The following METTL22 variants were observed in gnomAD, a reference collection of about 807,000 sequenced individuals.
METTL22 encodes methyltransferase 22, Kin17 lysine, also known as methyltransferase-like protein 22.
METTL22 carries 51 observed loss-of-function variants against 48.4 expected under a neutral mutation model. The observed-to-expected ratio is 1.05, with a 90% CI of 0.84 to 1.33. The LOEUF (loss-of-function observed/expected upper bound fraction) is 1.33. Among genes scored for constraint, METTL22 ranks in the 40% most tolerant of loss-of-function variants. The probability of loss-of-function intolerance (pLI) is 0.00; values close to 1 mark genes in which losing one functional copy is unlikely to be tolerated. For missense variants in METTL22, 678 were observed against 526.9 expected, an observed-to-expected ratio of 1.29 and a Z score of -2.81; for synonymous variants, 255 against 214.1, an observed-to-expected ratio of 1.19 and a Z score of -1.67.
rs770144887 is a variant in METTL22, at chr16:8,644,562, A to G, written c.1016A>G (p.Asn339Ser). ...TCCGACTGGCTGGTTTGCAGGCTCA[A>G]CTTCACATTGAGACACTTGGACGTC... Reference protein sequence around the residue: ...TAILSVEKRLNFTLRHLDVTC... With the variant: ...TAILSVEKRLSFTLRHLDVTC... Residue 339 changes from asparagine (N) to serine (S), a missense_variant, in exon 10 of 11, where the codon AAC becomes AGC. By Grantham distance (46) the Asn-to-Ser change is conservative. Transcript: ENST00000381920. 7 of 1,556,604 alleles carry G rather than the reference A, an allele frequency of 4.5e-6. No individual in the cohort carries two copies. Among genetic ancestry groups the G allele is most frequent in the East Asian group, 2.4e-5 (1 of 41,784 alleles).
At chr16:8,631,355 AC>A (rs1217413926) in intron 3 of METTL22, 1 of 152,190 alleles carries the variant, frequency 6.6e-6, no homozygotes, top group East Asian at 1.9e-4. Context: ...ATAAAGTGAG[AC>A]CCCAAGAGAA....
chr16:8,660,804 AGGAGGAGGAGGAGG>A, the METTL22 span, among the ~76,000 whole-genome samples: 4 of 3,012 alleles, frequency 1.3e-3, no homozygotes, highest in Admixed American at 0.021. Context: ...GAGGAGGAGG[AGGAGGAGGAGGAGG>A]AGGAGGAGGA....
Position 8,625,540 on chromosome 16 carries a change from G to A in METTL22, c.-126G>A. 2 of 754,734 alleles carry A rather than the reference G, an allele frequency of 2.6e-6. No individual in the cohort carries two copies. The highest frequency in any genetic ancestry group is 4.0e-6 in the Non-Finnish European group (2 of 497,032). The allele number at this position is 754,734 out of a possible 1,614,324, so 46.8% of individuals were successfully genotyped here. On this transcript the variant is annotated 5_prime_UTR_variant, in exon 2 of 11. Transcript: ENST00000381920. Reference sequence around the variant, plus strand: ...CAAGTCTCTGAGATCTTCTCCCAGGGCGATGCAAAGCTACTCGCTACCAGC... The same window carrying A: ...CAAGTCTCTGAGATCTTCTCCCAGGACGATGCAAAGCTACTCGCTACCAGC...
intron 1 of METTL22, among the ~76,000 whole-genome samples, chr16:8,622,597 C>G (rs975738053): frequency 1.3e-5 from 2 of 152,142 alleles, no homozygotes; most frequent in African/African-American, 4.8e-5. Flanking sequence ...AAACTGTTAC[C>G]TTTTTTCTTT....
At chr16:8,654,513 ATAAAGT>A (rs1437117834), downstream of METTL22, among the ~76,000 whole-genome samples, 3 of 152,354 alleles carry the variant, frequency 2.0e-5, no homozygotes, top group African/African-American at 4.8e-5. Context: ...TTTACTAAAA[ATAAAGT>A]TAAAAGAAAT....
chr16:8,651,386 C>CAAAAAAAAAA (rs768911703), downstream of METTL22, among the ~76,000 whole-genome samples: 24,021 of 48,946 alleles, frequency 0.49, 9,460 homozygotes, highest in East Asian at 0.77. Flanking sequence ...GACTCTGTCT[C>CAAAAAAAAAA]AAAAAAAAAA....
chr16:8,636,532 A>T (rs372775937), intron 5 of METTL22, among the ~76,000 whole-genome samples: 1 of 137,354 alleles, frequency 7.3e-6, no homozygotes, highest in Non-Finnish European at 1.6e-5. Context: ...AAAAAAAAAA[A>T]AAAAAAACAA....
In METTL22 at chr16:8,642,154, A is replaced by T. The variant is rs1377473533; in HGVS notation, c.854A>T (p.Gln285Leu). Residue 285 changes from glutamine to leucine, a missense_variant, in exon 8 of 11, where the codon CAA (glutamine) becomes CTA (leucine). Physicochemically the swap from Gln to Leu is moderately radical, Grantham distance 113. Coordinates refer to ENST00000381920, the MANE Select transcript of METTL22 (RefSeq NM_024109.4). ...TDPKVPFSWSQEEISDLYDHT... is the reference protein window; with the variant it reads ...TDPKVPFSWSLEEISDLYDHT... ...CCCAAGGTCCCCTTCAGTTGGTCAC[A>T]AGAGGAAATTTCTGACTTGTACGAT... 8.1e-6 allele frequency: 13 copies of T among 1,613,802 alleles called. No homozygotes were observed. Among genetic ancestry groups the T allele is most frequent in the Non-Finnish European group, 1.0e-5 (12 of 1,179,720 alleles).
Position 8,635,152 on chromosome 16 carries a change from G to C in METTL22, c.556-16G>C, listed in dbSNP as rs200892057. On this transcript the variant is annotated splice_polypyrimidine_tract_variant and intron_variant, in intron 4 of 10. Coordinates refer to ENST00000381920, the MANE Select transcript of METTL22 (RefSeq NM_024109.4). ...AGCCTCACGCTGCTTGTCGCTCCTT[G>C]TCCTCTTCCCTCCAGGTGTGGCGGG... 6.2e-7 allele frequency: 1 copy of C among 1,613,566 alleles called. No homozygotes were observed.
At chr16:8,664,676 G>C in the METTL22 span, among the ~76,000 whole-genome samples, 1 of 151,960 alleles carries the variant, frequency 6.6e-6, no homozygotes, top group Non-Finnish European at 1.5e-5. Flanking sequence ...GCCTGGGCTG[G>C]TATCAAACTC....
At chr16:8,658,268 C>G in the METTL22 span, among the ~76,000 whole-genome samples, 1 of 152,304 alleles carries the variant, frequency 6.6e-6, no homozygotes, top group East Asian at 1.9e-4. Flanking sequence ...TCCCCTTGAG[C>G]CTTTGGAGGC....
downstream of METTL22, among the ~76,000 whole-genome samples, chr16:8,651,609 C>G (rs1011654214): frequency 2.6e-5 from 4 of 152,028 alleles, no homozygotes; most frequent in Non-Finnish European, 5.9e-5. Context: ...CTCCCTCTCT[C>G]TATAAATAAA....
chr16:8,661,598 T>C, the METTL22 span, among the ~76,000 whole-genome samples: 4 of 127,404 alleles, frequency 3.1e-5, 1 homozygote, highest in African/African-American at 9.2e-5. Flanking sequence ...TGAGCCGAGA[T>C]TGAGCCACTG....
chr16:8,660,819 AGG>A, the METTL22 span, among the ~76,000 whole-genome samples: 1 of 2,396 alleles, frequency 4.2e-4, no homozygotes, highest in African/African-American at 9.0e-4. Context: ...GAGGAGGAGG[AGG>A]AGGAGGAGGG....
At chr16:8,654,696 A>G in the METTL22 span, among the ~76,000 whole-genome samples, 3 of 152,166 alleles carry the variant, frequency 2.0e-5, no homozygotes, top group African/African-American at 7.2e-5. Flanking sequence ...CAGAGGGCAA[A>G]TCATCCCTTG....
chr16:8,646,122 C>T lies in METTL22; in HGVS notation c.1194C>T (p.Ile398=), dbSNP rs764629627. 5 of 1,528,206 alleles carry T rather than the reference C, an allele frequency of 3.3e-6. No homozygotes were observed. Among genetic ancestry groups the T allele is most frequent in the Admixed American group, 2.0e-5 (1 of 50,826 alleles). 94.7% of individuals were successfully genotyped at this position (1,528,206 alleles called of 1,614,324 possible). A position where few individuals can be genotyped will look rare whatever the true frequency, so the allele number is the denominator to read the frequency against. The part of the protein sequence containing the change: ...ERLQQLELWK[I]IAEPVT Reference sequence around the variant, plus strand: ...GTTTGCTGCAGGAGCTCTGGAAGATCATCGCAGAACCAGTAACATGACCCA... The same window carrying T: ...GTTTGCTGCAGGAGCTCTGGAAGATTATCGCAGAACCAGTAACATGACCCA... The change falls in exon 11 of 11, where the codon ATC becomes ATT. Residue 398 remains isoleucine (I), a synonymous_variant. Coordinates refer to ENST00000381920, the MANE Select transcript of METTL22 (RefSeq NM_024109.4).
chr16:8,645,419 G>T (rs2056756601), intron 10 of METTL22, among the ~76,000 whole-genome samples: 1 of 152,150 alleles, frequency 6.6e-6, no homozygotes, highest in South Asian at 2.1e-4. Context: ...ATTAAGAGTA[G>T]CGTCACATGA....
downstream of METTL22, among the ~76,000 whole-genome samples, chr16:8,651,749 G>A (rs148929607): frequency 6.6e-3 from 1,011 of 152,284 alleles, 7 homozygotes; most frequent in Non-Finnish European, 8.5e-3. Context: ...TGGAGGACCT[G>A]GGCAACCCTC....
intron 3 of METTL22, among the ~76,000 whole-genome samples, chr16:8,634,249 T>G (rs559181167): frequency 3.0e-4 from 45 of 152,314 alleles, no homozygotes; most frequent in African/African-American, 1.0e-3. Context: ...ACACAGTCGA[T>G]TTCTTTCCTG....
Sources: allele counts gnomAD v4.1 joint callset (sites outside exome capture counted in the v4.1 genomes callset), GRCh38; gene constraint gnomAD v4.1.1; transcripts MANE v1.5; gene names NCBI Gene and HGNC (gene_info 2026-07-23, HGNC 2026-07-21).